The following SLC25A26 variants were observed in gnomAD, a reference collection of about 807,000 sequenced individuals.
SLC25A26 encodes solute carrier family 25 member 26, also known as mitochondrial S-adenosylmethionine carrier protein.
A neutral mutation model predicts 37.8 loss-of-function variants in SLC25A26; 36 were observed. The observed-to-expected ratio is 0.95, with a 90% CI of 0.73 to 1.26. The LOEUF (loss-of-function observed/expected upper bound fraction) is 1.26, where lower values mean the gene tolerates loss of function less well. Ranked by LOEUF, SLC25A26 falls within the 50% of genes most tolerant of loss-of-function variation. SLC25A26 has a pLI of 0.00. For synonymous variants in SLC25A26, 129 were observed against 122.5 expected (o/e 1.05, Z -0.35); for missense variants, 390 against 331.1 (o/e 1.18, Z -1.38).
intron 6 of SLC25A26, among the ~76,000 whole-genome samples, chr3:66,361,512 T>C (rs1051407702): frequency 6.6e-6 from 1 of 152,200 alleles, no homozygotes; most frequent in African/African-American, 2.4e-5. Context: ...GTGAGCTATG[T>C]CTAGAATATG....
chr3:66,245,585 GGAAAT>G (rs948475305), intron 3 of SLC25A26, among the ~76,000 whole-genome samples: 1 of 104,594 alleles, frequency 9.6e-6, no homozygotes, highest in African/African-American at 2.8e-5. Flanking sequence ...AGGAAACTTG[GGAAAT>G]GAATTAACCT....
At chr3:66,367,707 C>CACAGAGAG (rs1553705609) in intron 7 of SLC25A26, among the ~76,000 whole-genome samples, 15 of 136,836 alleles carry the variant, frequency 1.1e-4, no homozygotes, top group African/African-American at 4.6e-4. Flanking sequence ...CAGACAGACA[C>CACAGAGAG]AGAGAGAGAG....
At chr3:66,286,094 T>A (rs917254301) in intron 5 of SLC25A26, among the ~76,000 whole-genome samples, 1 of 152,234 alleles carries the variant, frequency 6.6e-6, no homozygotes, top group Admixed American at 6.5e-5. Context: ...CTTTATATAT[T>A]TGGAATGCTC....
chr3:66,343,298 A>C (rs1391207078), intron 5 of SLC25A26, among the ~76,000 whole-genome samples: 1 of 152,210 alleles, frequency 6.6e-6, no homozygotes, highest in South Asian at 2.1e-4. Flanking sequence ...TACAATTTTG[A>C]CTTGAAGAAT....
At chr3:66,231,728 G>A (rs1368310811) in intron 1 of SLC25A26, among the ~76,000 whole-genome samples, 1 of 149,680 alleles carries the variant, frequency 6.7e-6, no homozygotes, top group African/African-American at 2.5e-5. Flanking sequence ...AGAATATAGT[G>A]TATGTTTCTG....
At chr3:66,302,795 T>C (rs2075113757) in intron 5 of SLC25A26, among the ~76,000 whole-genome samples, 1 of 152,278 alleles carries the variant, frequency 6.6e-6, no homozygotes, top group Non-Finnish European at 1.5e-5. Context: ...CAAAGAACAG[T>C]GATTAAAGCC....
Position 66,346,401 on chromosome 3 carries a change from C to T in SLC25A26, c.491C>T (p.Ser164Phe). Residue 164 changes from serine to phenylalanine, a missense_variant, in exon 6 of 10, where the codon TCC becomes TTC. Ser to Phe is a radical substitution (Grantham distance 155). Coordinates refer to ENST00000354883, the MANE Select transcript of SLC25A26 (RefSeq NM_001379210.1). Reference sequence around the variant, plus strand: ...TTGGTCCAGTTTCCCTTATGGGAGTCCTTAAAAGTAAGTTTCTCAGTCTTC... The same window carrying T: ...TTGGTCCAGTTTCCCTTATGGGAGTTCTTAAAAGTAAGTTTCTCAGTCTTC... The part of the protein sequence containing the change: ...FSLVQFPLWE[S>F]LKALWSWRQD... The T allele has an allele frequency of 6.8e-7, 1 of 1,471,874 alleles. No individual in the cohort carries two copies. The highest frequency in any genetic ancestry group is 9.1e-7 in the Non-Finnish European group (1 of 1,102,262). 91.2% of individuals were successfully genotyped at this position (1,471,874 alleles called of 1,614,324 possible). A position where few individuals can be genotyped will look rare whatever the true frequency, so the allele number is the denominator to read the frequency against.
chr3:66,264,313 T>G (rs80228745), intron 5 of SLC25A26, among the ~76,000 whole-genome samples: 2 of 152,028 alleles, frequency 1.3e-5, no homozygotes, highest in South Asian at 2.1e-4. Context: ...GGGTAAGATA[T>G]CAAGTTTATT....
At chr3:66,145,014 G>T (rs1439450968) in intron 1 of SLC25A26, among the ~76,000 whole-genome samples, 1 of 152,156 alleles carries the variant, frequency 6.6e-6, no homozygotes, top group Non-Finnish European at 1.5e-5. Flanking sequence ...CGAGGGAGTG[G>T]TGGGTGAGTC....
At chr3:66,171,085 G>A (rs953921715) in intron 1 of SLC25A26, among the ~76,000 whole-genome samples, 9 of 152,036 alleles carry the variant, frequency 5.9e-5, no homozygotes, top group African/African-American at 1.4e-4. Flanking sequence ...TTACAGGCGT[G>A]AGCCACCGCG....
intron 1 of SLC25A26, among the ~76,000 whole-genome samples, chr3:66,174,714 A>G (rs2070550795): frequency 1.3e-5 from 2 of 149,048 alleles, no homozygotes; most frequent in African/African-American, 4.9e-5. Flanking sequence ...TGAACCCGGG[A>G]GGTGGAGCTT....
chr3:66,176,902 T>C (rs990501554), intron 1 of SLC25A26, among the ~76,000 whole-genome samples: 5 of 152,150 alleles, frequency 3.3e-5, no homozygotes. Context: ...CATGAAAGGG[T>C]AGAGGGATCT....
rs782030028 is a variant in SLC25A26, at chr3:66,243,222, C to G, written c.210C>G (p.Thr70=). 6.2e-7 allele frequency: 1 copy of G among 1,600,716 alleles called. No homozygotes were observed. Among genetic ancestry groups the G allele is most frequent in the Non-Finnish European group, 8.5e-7 (1 of 1,170,392 alleles). Residue 70 remains threonine, a synonymous_variant, in exon 3 of 10, where the codon ACC becomes ACG. Transcript: ENST00000354883. ...TTTCAGCTGCTGCATTTTTTATCAC[C>G]TATGAATATGTGAAGTGGTTTTTGC... ...SFPNAAAFFI[T]YEYVKWFLHA...
At chr3:66,344,498 C>T (rs780959253) in intron 5 of SLC25A26, among the ~76,000 whole-genome samples, 3 of 152,038 alleles carry the variant, frequency 2.0e-5, no homozygotes, top group Admixed American at 6.6e-5. Context: ...CCTCAATTCA[C>T]GTGAAGGTAA....
At chr3:66,334,143 C>T (rs965095135) in intron 5 of SLC25A26, among the ~76,000 whole-genome samples, 1 of 152,114 alleles carries the variant, frequency 6.6e-6, no homozygotes, top group African/African-American at 2.4e-5. Flanking sequence ...ATATATTATT[C>T]TCAACCTTTT....
chr3:66,296,595 T>A (rs796620341), intron 5 of SLC25A26, among the ~76,000 whole-genome samples: 28 of 152,348 alleles, frequency 1.8e-4, no homozygotes, highest in African/African-American at 6.0e-4. Flanking sequence ...TGTGTGTGTA[T>A]GCATAGTATA....
At chr3:66,328,126 A>G (rs997130955) in intron 5 of SLC25A26, among the ~76,000 whole-genome samples, 4 of 152,148 alleles carry the variant, frequency 2.6e-5, no homozygotes, top group African/African-American at 9.7e-5. Context: ...GTAATAAACA[A>G]TACACACATT....
intron 1 of SLC25A26, among the ~76,000 whole-genome samples, chr3:66,221,566 A>G (rs549615948): frequency 1.2e-4 from 18 of 152,174 alleles, no homozygotes; most frequent in East Asian, 1.9e-4. Flanking sequence ...TTTCAGTCTT[A>G]GAAAATGACA....
At chr3:66,266,576 C>CTTTTTTTT (rs1004250488) in intron 5 of SLC25A26, among the ~76,000 whole-genome samples, 28 of 111,512 alleles carry the variant, frequency 2.5e-4, no homozygotes, top group Admixed American at 1.1e-3. Flanking sequence ...TGTTGTCACA[C>CTTTTTTTT]TTTTTTTTTT....
Sources: gnomAD v4.1 joint callset for allele counts (sites outside exome capture counted in the v4.1 genomes callset) on GRCh38, gnomAD v4.1.1 for gene constraint, MANE v1.5 for transcripts, NCBI Gene and HGNC (gene_info 2026-07-23, HGNC 2026-07-21) for gene names.